Variants in TMEM200A observed in about 807,000 individuals in gnomAD.
TMEM200A encodes the protein transmembrane protein 200A, also known as two transmembrane C.
Under a neutral mutation model 24.3 loss-of-function variants are expected in TMEM200A, and 12 were observed. That is an observed-to-expected ratio of 0.49 (90% CI 0.32 to 0.80). TMEM200A has a LOEUF of 0.80. Among genes scored for constraint, TMEM200A ranks in the 30% least tolerant of loss-of-function variants. The probability of loss-of-function intolerance (pLI) is 0.04; values close to 1 mark genes in which losing one functional copy is unlikely to be tolerated. For missense variants in TMEM200A, 545 were observed against 614.4 expected, an observed-to-expected ratio of 0.89 and a Z score of 1.19; for synonymous variants, 224 against 224.4, an observed-to-expected ratio of 1.00 and a Z score of 0.02.
upstream of TMEM200A, chr6:130,365,655 G>A: frequency 1.0e-6 from 1 of 985,464 alleles, no homozygotes; most frequent in Non-Finnish European, 1.2e-6. Context: ...CTAGAGGCGG[G>A]CCCCACGGGT....
intron 2 of TMEM200A, among the ~76,000 whole-genome samples, chr6:130,429,942 A>G (rs925863008): frequency 4.6e-5 from 7 of 152,194 alleles, no homozygotes; most frequent in Admixed American, 4.6e-4. Context: ...GGATATAGCT[A>G]TAAGAAATCC....
chr6:130,379,834 G>A (rs1243930417), intron 1 of TMEM200A, among the ~76,000 whole-genome samples: 1 of 152,116 alleles, frequency 6.6e-6, no homozygotes, highest in Admixed American at 6.5e-5. Flanking sequence ...GATAAATAAA[G>A]CTATGGAGAG....
chr6:130,400,489 T>C (rs1435682432), intron 2 of TMEM200A, among the ~76,000 whole-genome samples: 2 of 151,396 alleles, frequency 1.3e-5, no homozygotes, highest in East Asian at 3.9e-4. Context: ...CTCCTGACTC[T>C]GTCATAGTGA....
At chr6:130,411,433 A>G (rs1039024561) in intron 2 of TMEM200A, among the ~76,000 whole-genome samples, 4 of 152,220 alleles carry the variant, frequency 2.6e-5, no homozygotes, top group Non-Finnish European at 5.9e-5. Context: ...CATTCTTTAC[A>G]TAACTACAAC....
intron 2 of TMEM200A, among the ~76,000 whole-genome samples, chr6:130,405,905 T>A (rs1779201628): frequency 6.6e-6 from 1 of 152,200 alleles, no homozygotes; most frequent in Non-Finnish European, 1.5e-5. Context: ...AGTGGACACA[T>A]ATGACCCTGC....
chr6:130,420,579 AC>A (rs1450390499), intron 2 of TMEM200A, among the ~76,000 whole-genome samples: 1 of 152,146 alleles, frequency 6.6e-6, no homozygotes, highest in East Asian at 1.9e-4. Context: ...TTGCAATTAA[AC>A]AATGGACCTC....
chr6:130,390,424 A>G (rs184065400), intron 2 of TMEM200A, among the ~76,000 whole-genome samples: 11 of 152,220 alleles, frequency 7.2e-5, no homozygotes, highest in African/African-American at 2.7e-4. Context: ...GAGCAGCCCT[A>G]TGTGGGCTAC....
chr6:130,435,536 C>T (rs1779982694), intron 2 of TMEM200A, among the ~76,000 whole-genome samples: 1 of 152,140 alleles, frequency 6.6e-6, no homozygotes, highest in African/African-American at 2.4e-5. Flanking sequence ...CAATGTGTAC[C>T]TAGAAAGAGG....
chr6:130,434,630 C>T (rs571242811), intron 2 of TMEM200A, among the ~76,000 whole-genome samples: 17 of 152,150 alleles, frequency 1.1e-4, no homozygotes, highest in African/African-American at 4.1e-4. Flanking sequence ...AGCAATAAGG[C>T]TTTTAAGATT....
chr6:130,419,780 TTAGTC>T (rs1779540427), intron 2 of TMEM200A, among the ~76,000 whole-genome samples: 1 of 152,222 alleles, frequency 6.6e-6, no homozygotes, highest in African/African-American at 2.4e-5. Context: ...ACCACTTGTC[TTAGTC>T]TGTTCTTGCT....
At chr6:130,436,432 A>G (rs190818584) in intron 2 of TMEM200A, among the ~76,000 whole-genome samples, 1 of 151,468 alleles carries the variant, frequency 6.6e-6, no homozygotes, top group Non-Finnish European at 1.5e-5. Context: ...CAAAACAAAA[A>G]AAAACAGTCA....
chr6:130,369,359 A>G (rs191778474), intron 1 of TMEM200A, among the ~76,000 whole-genome samples: 1 of 152,316 alleles, frequency 6.6e-6, no homozygotes, highest in Admixed American at 6.5e-5. Context: ...AGGAGAAGCT[A>G]AAGCTCACTT....
chr6:130,372,704 A>G (rs1406996670), intron 1 of TMEM200A, among the ~76,000 whole-genome samples: 1 of 152,206 alleles, frequency 6.6e-6, no homozygotes, highest in Non-Finnish European at 1.5e-5. Flanking sequence ...ATCGTTCCCC[A>G]ACAAATACAA....
chr6:130,423,497 A>G (rs1779652912), intron 2 of TMEM200A, among the ~76,000 whole-genome samples: 1 of 152,186 alleles, frequency 6.6e-6, no homozygotes, highest in African/African-American at 2.4e-5. Context: ...AATTGAAAGA[A>G]AAAAAGTACA....
chr6:130,440,353 C>T (rs1780125407), intron 2 of TMEM200A, 54 bp from the exon 3 acceptor site: 3 of 1,460,908 alleles, frequency 2.1e-6, no homozygotes, highest in East Asian at 4.7e-5. Flanking sequence ...AACTGATGCT[C>T]ATACCCCAGG....
intron 1 of TMEM200A, among the ~76,000 whole-genome samples, chr6:130,369,146 G>T (rs1778252389): frequency 6.6e-6 from 1 of 152,138 alleles, no homozygotes; most frequent in East Asian, 1.9e-4. Context: ...TATGTGAATT[G>T]AAAATACATA....
At chr6:130,380,240 C>G (rs1341980852) in intron 1 of TMEM200A, among the ~76,000 whole-genome samples, 1 of 152,126 alleles carries the variant, frequency 6.6e-6, no homozygotes, top group African/African-American at 2.4e-5. Flanking sequence ...TAGAATAGTG[C>G]ATCTGAAGGT....
chr6:130,391,813 G>C (rs1219879695), intron 2 of TMEM200A, among the ~76,000 whole-genome samples: 1 of 140,938 alleles, frequency 7.1e-6, no homozygotes, highest in African/African-American at 2.7e-5. Context: ...CACGATCTCG[G>C]CTCACTGCAA....
rs1296390869 is a variant in TMEM200A, at chr6:130,441,784, T to C, written c.1362T>C (p.Phe454=). ...LVPQVAIKKD[F]TNKEKLLMIS... ...CCCAAGTTGCCATCAAAAAGGACTTTACCAATAAGGAGAAGCTTCTTATGA... is the reference window on the plus strand; with the variant it reads ...CCCAAGTTGCCATCAAAAAGGACTTCACCAATAAGGAGAAGCTTCTTATGA... The change falls in exon 3 of 3, where the codon TTT becomes TTC. Residue 454 remains phenylalanine (F), a synonymous_variant. Transcript: ENST00000296978. 1 of 1,614,112 alleles carries C rather than the reference T, an allele frequency of 6.2e-7. No individual in the cohort carries two copies. The highest frequency in any genetic ancestry group is 8.5e-7 in the Non-Finnish European group (1 of 1,179,988).
Sources: gnomAD v4.1 joint callset for allele counts (sites outside exome capture counted in the v4.1 genomes callset) on GRCh38, gnomAD v4.1.1 for gene constraint, MANE v1.5 for transcripts, NCBI Gene and HGNC (gene_info 2026-07-23, HGNC 2026-07-21) for gene names.